Variants in CEACAM5 observed in about 807,000 individuals in gnomAD.
The protein encoded by CEACAM5 is CEA cell adhesion molecule 5.
A neutral mutation model predicts 63.0 loss-of-function variants in CEACAM5; 52 were observed. The ratio of observed to expected loss-of-function variants is 0.83; its 90% CI spans 0.66 to 1.04. The LOEUF (loss-of-function observed/expected upper bound fraction) is 1.04. Among genes scored for constraint, CEACAM5 ranks in the 50% least tolerant of loss-of-function variants. The pLI is 0.00. For synonymous variants in CEACAM5, 357 were observed against 351.3 expected (o/e 1.02, Z -0.18); for missense variants, 790 against 864.8 (o/e 0.91, Z 1.08).
intron 2 of CEACAM5, among the ~76,000 whole-genome samples, chr19:41,711,356 C>G (rs2072432560): frequency 6.6e-6 from 1 of 152,202 alleles, no homozygotes; most frequent in African/African-American, 2.4e-5. Flanking sequence ...TCTCTCCCCA[C>G]TCACACCCTG....
At position 41,729,862 on chromosome 19, in the gene CEACAM5, T is replaced by C. The variant is rs905013727; in HGVS notation, c.*715T>C. On this transcript the variant is annotated 3_prime_UTR_variant, in exon 10 of 10. Transcript: ENST00000221992. ...GACTTGGGAAACTATTCATGAATAT[T>C]TATATTGTATGGTAATATAGTTATT... 6.6e-6 allele frequency: 1 copy of C among 152,190 alleles called. No individual in the cohort carries two copies. Among genetic ancestry groups the C allele is most frequent in the Non-Finnish European group, 1.5e-5 (1 of 68,026 alleles). The allele number at this position is 152,190 out of a possible 1,614,324, so 9.4% of individuals were successfully genotyped here.
intron 8 of CEACAM5, among the ~76,000 whole-genome samples, chr19:41,723,714 G>A (rs1009363747): frequency 9.2e-5 from 14 of 152,062 alleles, no homozygotes; most frequent in South Asian, 2.1e-4. Flanking sequence ...TTGGGAGGCC[G>A]AGGCAGGTAG....
At chr19:41,727,727 A>G (rs1457126928) in intron 9 of CEACAM5, among the ~76,000 whole-genome samples, 2 of 152,182 alleles carry the variant, frequency 1.3e-5, no homozygotes, top group African/African-American at 4.8e-5. Flanking sequence ...TTTCTTGCAT[A>G]TGACTGCCTC....
chr19:41,715,472 C>A, intron 3 of CEACAM5, 178 bp from the exon 4 acceptor site: 2 of 1,118,704 alleles, frequency 1.8e-6, no homozygotes, highest in Non-Finnish European at 2.7e-6. Flanking sequence ...GGGTCCACAC[C>A]CTATGATGGG....
intron 2 of CEACAM5, among the ~76,000 whole-genome samples, chr19:41,713,999 G>C (rs1314600717): frequency 6.6e-5 from 10 of 152,296 alleles, no homozygotes; most frequent in Admixed American, 5.9e-4. Flanking sequence ...CAGAACACCT[G>C]AGGTCAGAAG....
At chr19:41,716,098 C>A (rs111404069) in intron 4 of CEACAM5, among the ~76,000 whole-genome samples, 194 bp downstream of exon 4, 1 of 152,172 alleles carries the variant, frequency 6.6e-6, no homozygotes, top group African/African-American at 2.4e-5. Flanking sequence ...TCATGGCGGG[C>A]CCCAGGTCCA....
chr19:41,709,014 G>A (rs1356124368), intron 1 of CEACAM5, among the ~76,000 whole-genome samples: 1 of 152,208 alleles, frequency 6.6e-6, no homozygotes, highest in East Asian at 1.9e-4. Flanking sequence ...ATTGTCACTG[G>A]CCACTACGTT....
In CEACAM5 at chr19:41,715,744, T is replaced by C. The variant is rs370027527; in HGVS notation, c.798T>C (p.Pro266=). 1.1e-5 allele frequency: 18 copies of C among 1,614,086 alleles called. No individual in the cohort carries two copies. The African/African-American group carries it at 1.6e-4, about 14-fold the overall frequency. Residue 266 remains proline (P), a synonymous_variant, in exon 4 of 10, where the codon CCT becomes CCC. Transcript: ENST00000221992. ...NLSCHAASNP[P]AQYSWFVNGT... ...CCTGCCACGCAGCCTCTAACCCACC[T>C]GCACAGTACTCTTGGTTTGTCAATG...
Position 41,720,925 on chromosome 19 carries a change from G to A in CEACAM5, c.1775G>A (p.Gly592Glu), listed in dbSNP as rs1401476611. 1 of 1,613,840 alleles carries A rather than the reference G, an allele frequency of 6.2e-7. No individual in the cohort carries two copies. Among genetic ancestry groups the A allele is most frequent in the Non-Finnish European group, 8.5e-7 (1 of 1,180,016 alleles). Residue 592 changes from glycine to glutamate, a missense_variant, in exon 8 of 10, where the codon GGG (glycine) becomes GAG (glutamate). By Grantham distance (98) the Gly-to-Glu change is moderately conservative. Transcript: ENST00000221992. The part of the protein sequence containing the change: ...SDPVTLDVLY[G>E]PDTPIISPPD... ...GGCTTTGTTCTCTTTGTTCCAGATG[G>A]GCCGGACACCCCCATCATTTCCCCC... is the stretch of plus-strand genomic sequence containing the variant.
Position 41,720,955 on chromosome 19 carries a change from A to G in CEACAM5, c.1805A>G (p.Asp602Gly). ...GACACCCCCATCATTTCCCCCCCAG[A>G]CTCGTCTTACCTTTCGGGAGCGAAC... The part of the protein sequence containing the change: ...GPDTPIISPP[D>G]SSYLSGANLN... Residue 602 changes from aspartate to glycine, a missense_variant, in exon 8 of 10, where the codon GAC (aspartate) becomes GGC (glycine). Asp to Gly is a moderately conservative substitution (Grantham distance 94). Transcript: ENST00000221992. 3 of 1,611,374 alleles carry G rather than the reference A, an allele frequency of 1.9e-6. No individual in the cohort carries two copies. Among genetic ancestry groups the G allele is most frequent in the Non-Finnish European group, 2.5e-6 (3 of 1,179,242 alleles).
intron 3 of CEACAM5, 53 bp from the exon 4 acceptor site, chr19:41,715,597 A>G (rs1429172130): frequency 1.2e-6 from 2 of 1,606,452 alleles, no homozygotes; most frequent in African/African-American, 2.7e-5. Context: ...TAGACCAGGA[A>G]CTTCCACTTC....
At position 41,717,564 on chromosome 19, in the gene CEACAM5, G is replaced by A. The variant is rs782585404; in HGVS notation, c.1068G>A (p.Trp356Ter). 27 of 1,614,114 alleles carry A rather than the reference G, an allele frequency of 1.7e-5. No individual in the cohort carries two copies. The highest frequency in any genetic ancestry group is 1.9e-5 in the Non-Finnish European group (23 of 1,180,054). Residue 356 changes from tryptophan (W) to a stop codon, truncating the protein, a stop_gained, in exon 5 of 10, where the codon TGG becomes TGA. Coordinates refer to ENST00000221992, the MANE Select transcript of CEACAM5 (RefSeq NM_004363.6). LOFTEE classifies it high-confidence loss of function. ...AGATTCAGAACACAACCTACCTGTG[G>A]TGGGTAAATAATCAGAGCCTCCCGG... Reference protein sequence around the residue: ...EPEIQNTTYLWWVNNQSLPVS... With the variant: ...EPEIQNTTYL
At chr19:41,725,766 C>T (rs782260955) in intron 8 of CEACAM5, among the ~76,000 whole-genome samples, 1 of 152,052 alleles carries the variant, frequency 6.6e-6, no homozygotes, top group East Asian at 1.9e-4. Flanking sequence ...TTTTGAAGAA[C>T]CAACTTTTGG....
Position 41,722,891 on chromosome 19 carries a change from TTTTGTTTG to T in CEACAM5, c.2026+1739_2026+1746del, listed in dbSNP as rs372037041. ...TGGTAGATCAAATGTTAATTCTTTT[TTTTGTTTG>T]TTTGTTTGTTTGTTTGTTTGTTTTT... On this transcript the variant is annotated intron_variant, in intron 8 of 9. Coordinates refer to ENST00000221992, the MANE Select transcript of CEACAM5 (RefSeq NM_004363.6). Among the ~76,000 whole-genome samples the T allele has an allele frequency of 5.1e-3, 779 of 151,838 alleles. 2 individuals are homozygous for T. Among genetic ancestry groups the T allele is most frequent in the African/African-American group, 0.018 (740 of 41,232 alleles).
intron 8 of CEACAM5, among the ~76,000 whole-genome samples, chr19:41,723,831 C>T (rs1308966034): frequency 6.6e-6 from 1 of 151,680 alleles, no homozygotes; most frequent in Non-Finnish European, 1.5e-5. Context: ...CGCCTGTAGT[C>T]CCAGCTACTC....
At chr19:41,709,013 G>A (rs1227051634) in intron 1 of CEACAM5, among the ~76,000 whole-genome samples, 4 of 152,202 alleles carry the variant, frequency 2.6e-5, no homozygotes, top group African/African-American at 9.7e-5. Flanking sequence ...AATTGTCACT[G>A]GCCACTACGT....
chr19:41,721,962 G>C (rs2072628550), intron 8 of CEACAM5, among the ~76,000 whole-genome samples: 1 of 152,208 alleles, frequency 6.6e-6, no homozygotes, highest in Admixed American at 6.5e-5. Context: ...AGCCATAGGG[G>C]CTCTGCATGG....
intron 2 of CEACAM5, among the ~76,000 whole-genome samples, chr19:41,710,995 T>C (rs10415940): frequency 0.17 from 25,554 of 152,070 alleles, 2,406 homozygotes; most frequent in African/African-American, 0.22. Context: ...AGGTGTCAGA[T>C]TGAAGTCACA....
At chr19:41,728,786 C>CAAAAAAAAG (rs539278925) in intron 9 of CEACAM5, among the ~76,000 whole-genome samples, 1 of 73,298 alleles carries the variant, frequency 1.4e-5, no homozygotes, top group Non-Finnish European at 2.5e-5. Flanking sequence ...GACTCCGTCT[C>CAAAAAAAAG]AAAAAAAAAA....
Sources: gnomAD v4.1 joint callset for allele counts (sites outside exome capture counted in the v4.1 genomes callset) on GRCh38, gnomAD v4.1.1 for gene constraint, MANE v1.5 for transcripts, NCBI Gene and HGNC (gene_info 2026-07-23, HGNC 2026-07-21) for gene names.